MYO18B: variants seen among roughly 807,000 people sequenced by gnomAD.
MYO18B encodes the protein unconventional myosin-XVIIIb.
In MYO18B, 204 loss-of-function variants were observed where a neutral mutation model predicts 273.0. That is an observed-to-expected ratio of 0.75 (90% CI 0.67 to 0.84). The LOEUF is 0.84. Among genes scored for constraint, MYO18B ranks in the 40% least tolerant of loss-of-function variants. MYO18B has a pLI of 0.00. For synonymous variants in MYO18B, 1,330 were observed against 1,305.7 expected, an observed-to-expected ratio of 1.02 and a Z score of -0.40; for missense variants, 3,212 against 3,287.6, an observed-to-expected ratio of 0.98 and a Z score of 0.56.
At chr22:25,989,972 G>A (rs1310915144) in intron 39 of MYO18B, among the ~76,000 whole-genome samples, 1 of 152,076 alleles carries the variant, frequency 6.6e-6, no homozygotes, top group Non-Finnish European at 1.5e-5. Context: ...CTCTCACCTT[G>A]TCAAGGCTGA....
rs11912542 is a variant in MYO18B at position 25,952,608 on chromosome 22, C to T, written c.5970+185C>T. On this transcript the variant is annotated intron_variant, in intron 38 of 43. Coordinates refer to ENST00000335473, the MANE Select transcript of MYO18B (RefSeq NM_032608.7). ...ATAGCATCATCCCTCAAGCCACCTA[C>T]CCATTTACCCATCTATCCTCACGTA... is the stretch of plus-strand genomic sequence containing the variant. Among the ~76,000 whole-genome samples the T allele has an allele frequency of 9.2e-3, 1,405 of 152,276 alleles. 13 individuals are homozygous for T. The highest frequency in any genetic ancestry group is 0.032 in the African/African-American group (1,329 of 41,548).
chr22:25,770,069 G>T, intron 4 of MYO18B, 41 bp from the exon 5 acceptor site: 1 of 1,601,738 alleles, frequency 6.2e-7, no homozygotes. Flanking sequence ...ATGGGCAGCG[G>T]TGCCATTTGC....
At chr22:25,942,287 T>C (rs1412727931) in intron 34 of MYO18B, among the ~76,000 whole-genome samples, 1 of 152,206 alleles carries the variant, frequency 6.6e-6, no homozygotes, top group Non-Finnish European at 1.5e-5. Flanking sequence ...TCGGAATGAA[T>C]GTGTTCATCC....
At chr22:25,747,785 G>A (rs2085825642) in intron 1 of MYO18B, among the ~76,000 whole-genome samples, 2 of 152,214 alleles carry the variant, frequency 1.3e-5, no homozygotes, top group Non-Finnish European at 2.9e-5. Flanking sequence ...CTGCTGCCAA[G>A]GACATGGTAA....
the MYO18B span, among the ~76,000 whole-genome samples, chr22:26,037,991 AG>A: frequency 6.6e-6 from 1 of 152,210 alleles, no homozygotes; most frequent in Non-Finnish European, 1.5e-5. Context: ...CACTGCTGGC[AG>A]GGCCCAGCTG....
At chr22:25,834,154 CT>C (rs560428053) in intron 16 of MYO18B, among the ~76,000 whole-genome samples, 6 of 141,696 alleles carry the variant, frequency 4.2e-5, no homozygotes, top group Admixed American at 7.0e-5. Context: ...TTTTTTTTTT[CT>C]TTTTTTTTTG....
intron 33 of MYO18B, among the ~76,000 whole-genome samples, chr22:25,918,800 C>T (rs2092298887): frequency 6.6e-6 from 1 of 152,154 alleles, no homozygotes; most frequent in Non-Finnish European, 1.5e-5. Context: ...ATGTGCAAAG[C>T]CCACTGCCTA....
chr22:25,780,284 C>G, intron 9 of MYO18B, 86 bp downstream of exon 9: 7 of 1,445,678 alleles, frequency 4.8e-6, no homozygotes, highest in Non-Finnish European at 5.6e-6. Context: ...ACGCCTCCAG[C>G]TGGGACTCTA....
intron 34 of MYO18B, among the ~76,000 whole-genome samples, chr22:25,939,681 C>T (rs1366501566): frequency 6.6e-6 from 1 of 152,128 alleles, no homozygotes; most frequent in Non-Finnish European, 1.5e-5. Flanking sequence ...GGGTCCTTCT[C>T]TCAAAAGAAT....
At chr22:25,817,343 CTCTT>C (rs909156392) in intron 12 of MYO18B, among the ~76,000 whole-genome samples, 32 of 148,164 alleles carry the variant, frequency 2.2e-4, no homozygotes, top group Middle Eastern at 6.9e-3. Context: ...TTTCTTTTCT[CTCTT>C]TCTTTCTTTC....
chr22:25,959,946 CA>C (rs1166892202), intron 39 of MYO18B, among the ~76,000 whole-genome samples: 1 of 152,184 alleles, frequency 6.6e-6, no homozygotes, highest in African/African-American at 2.4e-5. Flanking sequence ...CCCTGGAGAG[CA>C]GTGGGAAGGA....
chr22:25,906,116 G>A (rs34608680), intron 31 of MYO18B, among the ~76,000 whole-genome samples: 2,017 of 152,282 alleles, frequency 0.013, 17 homozygotes, highest in East Asian at 0.033. Flanking sequence ...ACTTTCATCC[G>A]TCTTCAGCTT....
At chr22:25,981,903 A>G (rs2093152282) in intron 39 of MYO18B, among the ~76,000 whole-genome samples, 1 of 152,162 alleles carries the variant, frequency 6.6e-6, no homozygotes. Flanking sequence ...ATAATGAACT[A>G]CCTGAGACTG....
At chr22:25,896,108 C>G (rs926616318) in intron 28 of MYO18B, among the ~76,000 whole-genome samples, 1 of 152,120 alleles carries the variant, frequency 6.6e-6, no homozygotes, top group Non-Finnish European at 1.5e-5. Context: ...TCTTTGGCAG[C>G]AGTCCTTGAG....
intron 12 of MYO18B, among the ~76,000 whole-genome samples, chr22:25,807,091 G>A (rs1270408908): frequency 6.6e-6 from 1 of 152,238 alleles, no homozygotes; most frequent in East Asian, 1.9e-4. Flanking sequence ...TGGGCTTGGT[G>A]AGGGTTGTTA....
chr22:25,881,467 A>G (rs972796818), intron 25 of MYO18B, among the ~76,000 whole-genome samples: 24 of 152,254 alleles, frequency 1.6e-4, no homozygotes, highest in African/African-American at 5.3e-4. Context: ...CAATGAGTAG[A>G]ACAGCAGAAG....
intron 1 of MYO18B, among the ~76,000 whole-genome samples, chr22:25,754,695 G>A (rs1186531896): frequency 6.6e-6 from 1 of 152,176 alleles, no homozygotes; most frequent in African/African-American, 2.4e-5. Context: ...GGAGTATGGC[G>A]ATAAGAACAC....
chr22:25,924,229 T>C (rs1822674246), intron 34 of MYO18B, among the ~76,000 whole-genome samples: 1 of 152,204 alleles, frequency 6.6e-6, no homozygotes, highest in African/African-American at 2.4e-5. Context: ...TGTACAGTAT[T>C]TGTCCTTTGC....
At chr22:26,055,713 G>T in the MYO18B span, among the ~76,000 whole-genome samples, 2 of 152,130 alleles carry the variant, frequency 1.3e-5, no homozygotes, top group East Asian at 3.8e-4. Context: ...CTTCCTTCTG[G>T]AAACCTTGTG....
Sources: gnomAD v4.1 joint callset for allele counts (sites outside exome capture counted in the v4.1 genomes callset) on GRCh38, gnomAD v4.1.1 for gene constraint, MANE v1.5 for transcripts, NCBI Gene and HGNC (gene_info 2026-07-23, HGNC 2026-07-21) for gene names.